The following DNAJC10 variants were observed in gnomAD, a reference collection of about 807,000 sequenced individuals.
DNAJC10 encodes the protein endoplasmic reticulum disulfide reductase DNAJC10.
Under a neutral mutation model 115.0 loss-of-function variants are expected in DNAJC10, and 101 were observed. That is an observed-to-expected ratio of 0.88 (90% confidence interval 0.75 to 1.04). The LOEUF (loss-of-function observed/expected upper bound fraction) is 1.04. DNAJC10 is among the 50% of genes least tolerant of loss of function. The probability of loss-of-function intolerance (pLI) is 0.00; values close to 1 mark genes in which losing one functional copy is unlikely to be tolerated. For synonymous variants in DNAJC10, 307 were observed against 301.5 expected (o/e 1.02, Z -0.19); for missense variants, 981 against 928.8 (o/e 1.06, Z -0.73).
intron 14 of DNAJC10, among the ~76,000 whole-genome samples, chr2:182,748,872 T>C (rs982846699): frequency 6.6e-6 from 1 of 152,116 alleles, no homozygotes; most frequent in African/African-American, 2.4e-5. Context: ...TTCTCGTTGG[T>C]TTCAAAGAAC....
chr2:182,720,390 A>T (rs1420546018), intron 4 of DNAJC10, among the ~76,000 whole-genome samples: 7 of 152,190 alleles, frequency 4.6e-5, no homozygotes, highest in Non-Finnish European at 8.8e-5. Context: ...ATACTTTTAA[A>T]ATAAGGATTG....
chr2:182,746,616 G>C (rs1693874661), intron 14 of DNAJC10, among the ~76,000 whole-genome samples: 2 of 152,130 alleles, frequency 1.3e-5, no homozygotes, highest in East Asian at 1.9e-4. Context: ...GTTCATTGTA[G>C]ATTCTGCATA....
In DNAJC10 at chr2:182,785,116, T is replaced by C. The variant is rs1694923168; in HGVS notation, c.*7984T>C. ...AAATAGGACAGATACTCAAAGTGTA[T>C]GAATGGTATGACAATAAATTTAGAA... On this transcript the variant is annotated 3_prime_UTR_variant, in exon 24 of 24. Coordinates refer to ENST00000264065, the MANE Select transcript of DNAJC10 (RefSeq NM_018981.4). 1 of 152,268 alleles carries C rather than the reference T, an allele frequency of 6.6e-6. No homozygotes were observed. Among genetic ancestry groups the C allele is most frequent in the Non-Finnish European group, 1.5e-5 (1 of 68,018 alleles). 9.4% of individuals were successfully genotyped at this position (152,268 alleles called of 1,614,324 possible).
At position 182,781,395 on chromosome 2, in the gene DNAJC10, C is replaced by T. The variant is rs1396838152; in HGVS notation, c.*4263C>T. 2 of 152,042 alleles carry T rather than the reference C, an allele frequency of 1.3e-5. No homozygotes were observed. The highest frequency in any genetic ancestry group is 2.9e-5 in the Non-Finnish European group (2 of 67,994). The allele number at this position is 152,042 out of a possible 1,614,324, so 9.4% of individuals were successfully genotyped here. A position where few individuals can be genotyped will look rare whatever the true frequency, so the allele number is the denominator to read the frequency against. On this transcript the variant is annotated 3_prime_UTR_variant, in exon 24 of 24. Coordinates refer to ENST00000264065, the MANE Select transcript of DNAJC10 (RefSeq NM_018981.4). ...GCATTTTGGTTGGTTCCAAGTGTTT[C>T]CTATTGTGAATAGTGCTCCAATAAA...
chr2:182,779,701 A>G lies in DNAJC10; in HGVS notation c.*2569A>G, dbSNP rs1220872278. On this transcript the variant is annotated 3_prime_UTR_variant, in exon 24 of 24. Coordinates refer to ENST00000264065, the MANE Select transcript of DNAJC10 (RefSeq NM_018981.4). ...ATGATTAAGATAAAGGAAAAGTAAAATGAAATGTTTATGTAATTTTATATT... is the reference window on the plus strand; with the variant it reads ...ATGATTAAGATAAAGGAAAAGTAAAGTGAAATGTTTATGTAATTTTATATT... 6 of 152,216 alleles carry G rather than the reference A, an allele frequency of 3.9e-5. No homozygotes were observed. Among genetic ancestry groups the G allele is most frequent in the Admixed American group, 6.5e-5 (1 of 15,280 alleles). 9.4% of individuals were successfully genotyped at this position (152,216 alleles called of 1,614,324 possible).
Position 182,719,969 on chromosome 2 carries a change from T to C in DNAJC10, c.205-38T>C, listed in dbSNP as rs575073487. ...GTTTTGAAGAAACTTGGATTGTGTA[T>C]CTGAAATAATTGTATTATATCTAAT... is the stretch of plus-strand genomic sequence containing the variant. On this transcript the variant is annotated intron_variant, in intron 3 of 23. Coordinates refer to ENST00000264065, the MANE Select transcript of DNAJC10 (RefSeq NM_018981.4). The C allele has an allele frequency of 1.6e-5, 20 of 1,220,146 alleles. No homozygotes were observed. The Middle Eastern group carries it at 1.1e-3, about 68-fold the overall frequency. The allele number at this position is 1,220,146 out of a possible 1,614,324, so 75.6% of individuals were successfully genotyped here. A position where few individuals can be genotyped will look rare whatever the true frequency, so the allele number is the denominator to read the frequency against.
chr2:182,739,408 A>G, intron 11 of DNAJC10: 1 of 529,104 alleles, frequency 1.9e-6, no homozygotes, highest in Non-Finnish European at 2.5e-6. Flanking sequence ...TTTTTAGTGA[A>G]TTTTAGATCT....
intron 4 of DNAJC10, among the ~76,000 whole-genome samples, chr2:182,721,100 T>A (rs1693139298): frequency 6.6e-6 from 1 of 152,146 alleles, no homozygotes; most frequent in Admixed American, 6.5e-5. Context: ...GGAAGGTGTG[T>A]TCAGAGACCC....
chr2:182,731,510 C>G (rs893740471), intron 9 of DNAJC10, among the ~76,000 whole-genome samples: 1 of 152,034 alleles, frequency 6.6e-6, no homozygotes, highest in Non-Finnish European at 1.5e-5. Flanking sequence ...ATAGATTTGC[C>G]TCATACAATT....
chr2:182,735,410 T>G (rs1361965956), intron 10 of DNAJC10, among the ~76,000 whole-genome samples: 2 of 151,992 alleles, frequency 1.3e-5, no homozygotes, highest in African/African-American at 2.4e-5. Flanking sequence ...ATATATATGC[T>G]CCCATGTAAC....
chr2:182,733,978 A>G (rs1352343936), intron 10 of DNAJC10, among the ~76,000 whole-genome samples: 1 of 150,502 alleles, frequency 6.6e-6, no homozygotes, highest in African/African-American at 2.4e-5. Flanking sequence ...TTACTTTCTG[A>G]TCATATTTTG....
intron 3 of DNAJC10, 73 bp from the exon 4 acceptor site, chr2:182,719,934 C>G (rs1042137212): frequency 2.3e-6 from 2 of 871,160 alleles, no homozygotes; most frequent in African/African-American, 3.4e-5. Context: ...TTAATTAAAC[C>G]TACATATATG....
chr2:182,718,790 TATA>T (rs1009133986), intron 3 of DNAJC10, among the ~76,000 whole-genome samples: 4 of 152,220 alleles, frequency 2.6e-5, no homozygotes, highest in African/African-American at 9.6e-5. Flanking sequence ...AGCAGCTGAA[TATA>T]ATGCCAGTCA....
Position 182,779,534 on chromosome 2 carries a change from C to A in DNAJC10, c.*2402C>A, listed in dbSNP as rs1039776597. On this transcript the variant is annotated 3_prime_UTR_variant, in exon 24 of 24. Transcript: ENST00000264065. ...TGAGGCAGGAGGGATTGCTTGGGCT[C>A]AGGATTTTGAATCCAGCCTGGGCAA... The A allele has an allele frequency of 6.6e-6, 1 of 152,106 alleles. No homozygotes were observed. Among genetic ancestry groups the A allele is most frequent in the Non-Finnish European group, 1.5e-5 (1 of 68,028 alleles). 9.4% of individuals were successfully genotyped at this position (152,106 alleles called of 1,614,324 possible).
intron 1 of DNAJC10, among the ~76,000 whole-genome samples, 167 bp from the exon 2 acceptor site, chr2:182,716,849 C>T (rs180769945): frequency 6.6e-6 from 1 of 152,208 alleles, no homozygotes. Flanking sequence ...TCCACCTGCC[C>T]GGTAGCTCGG....
At chr2:182,726,872 C>T (rs1443759757) in intron 5 of DNAJC10, among the ~76,000 whole-genome samples, 9 of 151,146 alleles carry the variant, frequency 6.0e-5, no homozygotes, top group Admixed American at 3.3e-4. Flanking sequence ...GCTGAGACTG[C>T]GGGCATGTGC....
intron 22 of DNAJC10, among the ~76,000 whole-genome samples, chr2:182,774,833 G>A (rs747092178): frequency 3.3e-5 from 5 of 152,108 alleles, no homozygotes; most frequent in South Asian, 2.1e-4. Flanking sequence ...CCCAATCCCC[G>A]CCCTGGCGTC....
chr2:182,727,503 G>T (rs1693320620), intron 5 of DNAJC10, among the ~76,000 whole-genome samples: 1 of 152,100 alleles, frequency 6.6e-6, no homozygotes, highest in African/African-American at 2.4e-5. Flanking sequence ...CACCTCTATA[G>T]AATGGTCATT....
At chr2:182,733,943 G>C (rs1184048787) in intron 10 of DNAJC10, among the ~76,000 whole-genome samples, 1 of 151,164 alleles carries the variant, frequency 6.6e-6, no homozygotes, top group Non-Finnish European at 1.5e-5. Flanking sequence ...TTTTATATCT[G>C]TAGTATCTAT....
Sources: allele counts gnomAD v4.1 joint callset (sites outside exome capture counted in the v4.1 genomes callset), GRCh38; gene constraint gnomAD v4.1.1; transcripts MANE v1.5; gene names NCBI Gene and HGNC (gene_info 2026-07-23, HGNC 2026-07-21).